Variants in ERC2 observed in about 807,000 individuals in gnomAD.
ERC2 encodes ERC protein 2.
In ERC2, 42 loss-of-function variants were observed where a neutral mutation model predicts 114.8. That is an observed-to-expected ratio of 0.37 (90% CI 0.29 to 0.47). The LOEUF (loss-of-function observed/expected upper bound fraction) is 0.47. ERC2 is among the 20% of genes least tolerant of loss of function. The pLI is 0.99. For missense variants in ERC2, 939 were observed against 1,150.7 expected, an observed-to-expected ratio of 0.82 and a Z score of 2.66; for synonymous variants, 454 against 425.5, an observed-to-expected ratio of 1.07 and a Z score of -0.82.
intron 2 of ERC2, among the ~76,000 whole-genome samples, chr3:56,349,494 C>T (rs1049161264): frequency 5.3e-5 from 8 of 152,212 alleles, no homozygotes; most frequent in Non-Finnish European, 1.0e-4. Flanking sequence ...TCACACTTTA[C>T]TCAGCCTCAG....
chr3:55,515,391 G>A (rs1200084595), intron 17 of ERC2, among the ~76,000 whole-genome samples: 1 of 151,690 alleles, frequency 6.6e-6, no homozygotes, highest in Non-Finnish European at 1.5e-5. Flanking sequence ...ATTTTGAGAT[G>A]GAGTCTCTCT....
rs11430130 is a variant in ERC2, at chr3:56,016,427, CT to C, written c.1779+2466del. Among the ~76,000 whole-genome samples the C allele has an allele frequency of 5.6e-3, 785 of 141,240 alleles. 6 individuals carry two copies. Among genetic ancestry groups the C allele is most frequent in the African/African-American group, 0.018 (707 of 38,590 alleles). The allele number at this position is 141,240 out of a possible 152,430, so 92.7% of individuals were successfully genotyped here. On this transcript the variant is annotated intron_variant, in intron 8 of 17. Coordinates refer to ENST00000288221, the MANE Select transcript of ERC2 (RefSeq NM_015576.3). ...TCTTTTTGTAGCTTCCTTTTTTTTT[CT>C]TTTTTTTTTTTTAATAACTTTTTAA...
chr3:55,547,806 G>A (rs532748705), intron 17 of ERC2, among the ~76,000 whole-genome samples: 52 of 152,320 alleles, frequency 3.4e-4, no homozygotes, highest in Middle Eastern at 3.4e-3. Flanking sequence ...TACTAAAAGC[G>A]TTTTATAAGA....
At chr3:56,191,164 G>A (rs2083973136) in intron 3 of ERC2, among the ~76,000 whole-genome samples, 1 of 152,188 alleles carries the variant, frequency 6.6e-6, no homozygotes, top group Admixed American at 6.5e-5. Flanking sequence ...CCCTGGAAGA[G>A]ACCTTGCTAG....
chr3:55,880,802 A>G lies in ERC2; in HGVS notation c.2564+7587T>C, dbSNP rs570886557. Among the ~76,000 whole-genome samples, 16 of 151,714 alleles carry G rather than the reference A, an allele frequency of 1.1e-4. 1 individual carries two copies. Among genetic ancestry groups the G allele is most frequent in the South Asian group, 4.2e-4 (2 of 4,792 alleles). The stretch of plus-strand genomic sequence containing the variant: ...AATAGTATTATAGCAAAAAAAAAAA[A>G]GAAAAAAAAGAAATTCTTGAATGGA... On this transcript the variant is annotated intron_variant, in intron 14 of 17. Coordinates refer to ENST00000288221, the MANE Select transcript of ERC2 (RefSeq NM_015576.3).
At chr3:56,024,024 T>A (rs1026092160) in intron 7 of ERC2, among the ~76,000 whole-genome samples, 1 of 152,234 alleles carries the variant, frequency 6.6e-6, no homozygotes, top group African/African-American at 2.4e-5. Context: ...GTTTTCATTA[T>A]AAAATTCCAA....
intron 3 of ERC2, among the ~76,000 whole-genome samples, chr3:56,216,519 A>C (rs1316658797): frequency 6.6e-6 from 1 of 152,200 alleles, no homozygotes; most frequent in Non-Finnish European, 1.5e-5. Flanking sequence ...CCAACCAAAA[A>C]CAGTCCAGAA....
chr3:56,213,212 C>A (rs528709955), intron 3 of ERC2, among the ~76,000 whole-genome samples: 1 of 152,112 alleles, frequency 6.6e-6, no homozygotes, highest in Non-Finnish European at 1.5e-5. Flanking sequence ...CAAAGCAAGG[C>A]GAGGCATCAC....
At chr3:55,803,463 T>C (rs1215294289) in intron 14 of ERC2, among the ~76,000 whole-genome samples, 1 of 151,520 alleles carries the variant, frequency 6.6e-6, no homozygotes, top group Admixed American at 6.6e-5. Context: ...GGAACTCCAA[T>C]TTCCAATAAA....
Position 55,609,279 on chromosome 3 carries a change from T to G in ERC2, c.*39+74515A>C, listed in dbSNP as rs373057197. Among the ~76,000 whole-genome samples, 18 of 152,200 alleles carry G rather than the reference T, an allele frequency of 1.2e-4. No individual in the cohort carries two copies. In the East Asian group the frequency reaches 2.5e-3, roughly 21 times the overall value. The stretch of plus-strand genomic sequence containing the variant: ...TCACCTGCACGGCACAAGGTTCCAC[T>G]GCAACTCAGGGGGTGTGTCCTAAAT... On this transcript the variant is annotated intron_variant, in intron 17 of 17. Transcript: ENST00000288221.
intron 12 of ERC2, among the ~76,000 whole-genome samples, chr3:55,954,081 T>TTAAAAA (rs1390720369): frequency 2.0e-5 from 1 of 50,360 alleles, no homozygotes; most frequent in African/African-American, 8.5e-5. Flanking sequence ...CTCCATTATT[T>TTAAAAA]AAAAAAAAAA....
At chr3:56,181,277 C>T (rs909834893) in intron 3 of ERC2, among the ~76,000 whole-genome samples, 8 of 152,162 alleles carry the variant, frequency 5.3e-5, no homozygotes, top group African/African-American at 1.9e-4. Flanking sequence ...GAATAATACT[C>T]CACCCTTTTA....
chr3:55,768,846 T>G (rs1559624827), intron 14 of ERC2, among the ~76,000 whole-genome samples: 1 of 152,192 alleles, frequency 6.6e-6, no homozygotes, highest in East Asian at 1.9e-4. Context: ...TTTAGTTTTA[T>G]GTTTTAATAT....
intron 2 of ERC2, among the ~76,000 whole-genome samples, chr3:56,358,787 G>C (rs1011967971): frequency 1.3e-5 from 2 of 152,210 alleles, no homozygotes; most frequent in Non-Finnish European, 2.9e-5. Context: ...TCATGAGCTT[G>C]TTGTGAGGAT....
intron 3 of ERC2, among the ~76,000 whole-genome samples, chr3:56,250,468 G>A (rs1171366465): frequency 6.6e-6 from 1 of 152,138 alleles, no homozygotes; most frequent in African/African-American, 2.4e-5. Flanking sequence ...ATCTAAGAGG[G>A]CTTACAAATA....
chr3:56,202,500 G>GTTT (rs1240913539), intron 3 of ERC2, among the ~76,000 whole-genome samples: 1 of 86,466 alleles, frequency 1.2e-5, no homozygotes, highest in African/African-American at 3.7e-5. Context: ...CTAAACTCAA[G>GTTT]CTTTTTTTTT....
chr3:55,908,508 C>T (rs765820099), intron 13 of ERC2, among the ~76,000 whole-genome samples: 9 of 152,008 alleles, frequency 5.9e-5, no homozygotes, highest in Non-Finnish European at 1.0e-4. Flanking sequence ...AGTCAGGGAG[C>T]GATGCTCAGA....
chr3:55,536,649 G>T (rs186628619), intron 17 of ERC2, among the ~76,000 whole-genome samples: 104 of 152,320 alleles, frequency 6.8e-4, no homozygotes, highest in Non-Finnish European at 8.7e-4. Context: ...AAAGAGTTTC[G>T]TAGTAATAAA....
chr3:56,177,315 C>T (rs1485951213), intron 3 of ERC2, among the ~76,000 whole-genome samples: 1 of 152,178 alleles, frequency 6.6e-6, no homozygotes, highest in Non-Finnish European at 1.5e-5. Flanking sequence ...TTGCTGGAGG[C>T]TCCAACTGCC....
Sources: gnomAD v4.1 joint callset for allele counts (sites outside exome capture counted in the v4.1 genomes callset) on GRCh38, gnomAD v4.1.1 for gene constraint, MANE v1.5 for transcripts, NCBI Gene and HGNC (gene_info 2026-07-23, HGNC 2026-07-21) for gene names.